NRDE2: variants seen among roughly 807,000 people sequenced by gnomAD.
The protein encoded by NRDE2 is NRDE-2, necessary for RNA interference, domain containing.
A neutral mutation model predicts 124.2 loss-of-function variants in NRDE2; 76 were observed. That is an observed-to-expected ratio of 0.61 (90% CI 0.51 to 0.74). The LOEUF (loss-of-function observed/expected upper bound fraction) is 0.74. Ranked by LOEUF, NRDE2 falls within the 30% of genes least tolerant of loss-of-function variation. NRDE2 has a pLI of 0.00. For synonymous variants in NRDE2, 489 were observed against 528.1 expected (o/e 0.93, Z 1.01); for missense variants, 1,314 against 1,417.3 (o/e 0.93, Z 1.17).
At chr14:90,321,549 T>TAAAAAAAAAAAAAA (rs1012195271) in intron 1 of NRDE2, among the ~76,000 whole-genome samples, 1 of 108,810 alleles carries the variant, frequency 9.2e-6, no homozygotes, top group Non-Finnish European at 1.9e-5. Flanking sequence ...CCAGCTCTAT[T>TAAAAAAAAAAAAAA]AAAAAAAAAA....
Position 90,288,753 on chromosome 14 carries a change from C to T in NRDE2, c.2622G>A (p.Ala874=), listed in dbSNP as rs151066927. ...GQVLAVHILK[A]RKAYEHALQD... Reference sequence around the variant, plus strand: ...GCAGTGCGTGCTCATAAGCCTTTCGCGCTTTCAAAATGTGAACAGCCAACA... The same window carrying T: ...GCAGTGCGTGCTCATAAGCCTTTCGTGCTTTCAAAATGTGAACAGCCAACA... The change falls in exon 11 of 14, where the codon GCG becomes GCA. Residue 874 remains alanine (A), a synonymous_variant. Transcript: ENST00000354366. The T allele has an allele frequency of 1.8e-5, 29 of 1,613,954 alleles. No individual in the cohort carries two copies. In the East Asian group the frequency reaches 3.6e-4, roughly 20 times the overall value.
In NRDE2 at chr14:90,286,116, G is replaced by A. The variant is rs375000285; in HGVS notation, c.3297+238C>T. On this transcript the variant is annotated intron_variant, in intron 12 of 13. Transcript: ENST00000354366. ...AATAGCCCAGTAACTACTCAACTTC[G>A]TTCTACCAAATATTTCGAGAAGATG... Among the ~76,000 whole-genome samples the A allele has an allele frequency of 2.6e-5, 4 of 152,110 alleles. No homozygotes were observed. In the East Asian group the frequency reaches 7.7e-4, roughly 29 times the overall value.
chr14:90,284,949 ATG>A (rs1892058973), intron 12 of NRDE2, among the ~76,000 whole-genome samples: 1 of 151,992 alleles, frequency 6.6e-6, no homozygotes, highest in Non-Finnish European at 1.5e-5. Flanking sequence ...TTTAATCTCT[ATG>A]GTACTTTTAA....
At chr14:90,316,435 C>T in intron 3 of NRDE2, 143 bp downstream of exon 3, 1 of 618,690 alleles carries the variant, frequency 1.6e-6, no homozygotes, top group Non-Finnish European at 2.8e-6. Flanking sequence ...TTTTCTCCTT[C>T]TCTTTTTTAA....
At chr14:90,306,922 T>C (rs1403700026) in intron 4 of NRDE2, among the ~76,000 whole-genome samples, 1 of 152,230 alleles carries the variant, frequency 6.6e-6, no homozygotes, top group African/African-American at 2.4e-5. Flanking sequence ...TTTAATAGTA[T>C]TGATTCCTCA....
In NRDE2 at chr14:90,278,325, C is replaced by T. The variant is rs773646854; in HGVS notation, c.*11G>A. 1.2e-6 allele frequency: 2 copies of T among 1,614,070 alleles called. No individual in the cohort carries two copies. The highest frequency in any genetic ancestry group is 1.7e-6 in the Non-Finnish European group (2 of 1,179,988). On this transcript the variant is annotated 3_prime_UTR_variant, in exon 14 of 14. Coordinates refer to ENST00000354366, the MANE Select transcript of NRDE2 (RefSeq NM_017970.4). Reference sequence around the variant, plus strand: ...TGGCCTCGCAGGCACAGCCCGTTTTCCCGCTGCTCTCTAATCCTCCAGCAG... The same window carrying T: ...TGGCCTCGCAGGCACAGCCCGTTTTTCCGCTGCTCTCTAATCCTCCAGCAG...
At chr14:90,300,983 T>C (rs1291975848) in intron 7 of NRDE2, among the ~76,000 whole-genome samples, 1 of 144,576 alleles carries the variant, frequency 6.9e-6, no homozygotes, top group Middle Eastern at 3.3e-3. Context: ...TCAGAGAGCC[T>C]TTATGTTGTG....
rs1891812327 is a variant in NRDE2, at chr14:90,276,676, A to G, written c.*1660T>C. On this transcript the variant is annotated 3_prime_UTR_variant, in exon 14 of 14. Transcript: ENST00000354366. ...AGCCGCTTTATCCTCTCGGGGGCTC[A>G]CTGCCCACTGCTAAGAGCCATTCCT... 3 of 152,114 alleles carry G rather than the reference A, an allele frequency of 2.0e-5. No homozygotes were observed. The highest frequency in any genetic ancestry group is 2.0e-4 in the Admixed American group (3 of 15,272). The allele number at this position is 152,114 out of a possible 1,614,324, so 9.4% of individuals were successfully genotyped here. A position where few individuals can be genotyped will look rare whatever the true frequency, so the allele number is the denominator to read the frequency against.
At position 90,284,989 on chromosome 14, in the gene NRDE2, C is replaced by T. The variant is rs1308657905; in HGVS notation, c.3297+1365G>A. 6.6e-5 allele frequency among the ~76,000 whole-genome samples: 10 copies of T among 151,964 alleles called. No homozygotes were observed. The East Asian group carries it at 7.8e-4, about 12-fold the overall frequency. ...GAACACAAAGCTGCTTTAGAAATGT[C>T]GATTTTAGGCCGGGCGCAGTGGCTC... On this transcript the variant is annotated intron_variant, in intron 12 of 13. Coordinates refer to ENST00000354366, the MANE Select transcript of NRDE2 (RefSeq NM_017970.4).
chr14:90,313,943 G>T (rs73318666), intron 3 of NRDE2, among the ~76,000 whole-genome samples: 5,121 of 152,260 alleles, frequency 0.034, 266 homozygotes, highest in African/African-American at 0.12. Context: ...ACCATAACGG[G>T]CAATGAAAAG....
At chr14:90,300,705 T>C (rs987737539) in intron 7 of NRDE2, among the ~76,000 whole-genome samples, 10 of 149,138 alleles carry the variant, frequency 6.7e-5, no homozygotes, top group African/African-American at 2.0e-4. Context: ...CTAGCGAAGA[T>C]TGTGGGTACT....
rs1884516561 is a variant in NRDE2 at position 90,304,231 on chromosome 14, C to T, written c.709G>A (p.Val237Ile). The T allele has an allele frequency of 6.2e-7, 1 of 1,614,134 alleles. No individual in the cohort carries two copies. The highest frequency in any genetic ancestry group is 1.1e-5 in the South Asian group (1 of 91,078). Residue 237 changes from valine (V) to isoleucine (I), a missense_variant, in exon 5 of 14, where the codon GTT becomes ATT. By Grantham distance (29) the Val-to-Ile change is conservative. Coordinates refer to ENST00000354366, the MANE Select transcript of NRDE2 (RefSeq NM_017970.4). ...KSVGLMNIDG[V>I]AISSKTEPPS... Reference sequence around the variant, plus strand: ...GGTTCAGTTTTACTGCTAATGGCAACTCCATCGATGTTCATTAATCCCACA... The same window carrying T: ...GGTTCAGTTTTACTGCTAATGGCAATTCCATCGATGTTCATTAATCCCACA...
At chr14:90,294,991 C>T (rs1884090869) in intron 8 of NRDE2, among the ~76,000 whole-genome samples, 1 of 152,040 alleles carries the variant, frequency 6.6e-6, no homozygotes, top group South Asian at 2.1e-4. Flanking sequence ...TGTGAGGGAG[C>T]CCTGCAGTGA....
Position 90,270,087 on chromosome 14 carries a change from A to C in NRDE2, c.*8249T>G. ...TAAAATTTAGACATCCTTCCCACAG[A>C]ATTCTGTCCGACTGAAACTTCGTAT... On this transcript the variant is annotated 3_prime_UTR_variant, in exon 14 of 14. Coordinates refer to ENST00000354366, the MANE Select transcript of NRDE2 (RefSeq NM_017970.4). The C allele has an allele frequency of 8.7e-7, 1 of 1,155,662 alleles. No individual in the cohort carries two copies. Among genetic ancestry groups the C allele is most frequent in the Non-Finnish European group, 1.2e-6 (1 of 827,758 alleles). The allele number at this position is 1,155,662 out of a possible 1,614,324, so 71.6% of individuals were successfully genotyped here. A position where few individuals can be genotyped will look rare whatever the true frequency, so the allele number is the denominator to read the frequency against.
intron 4 of NRDE2, 63 bp from the exon 5 acceptor site, chr14:90,304,445 A>G (rs1342749988): frequency 4.0e-6 from 5 of 1,248,452 alleles, no homozygotes; most frequent in Non-Finnish European, 5.5e-6. Context: ...GAATGACTAA[A>G]GGCGCATTAG....
At position 90,304,034 on chromosome 14, in the gene NRDE2, G is replaced by A. The variant is rs375950270; in HGVS notation, c.906C>T (p.Ser302=). ...ESKQPDAQPD[S]ESAALKAKVE... Reference sequence around the variant, plus strand: ...CCTTGGCCTTGAGAGCCGCACTCTCGCTGTCTGGCTGTGCGTCTGGCTGCT... The same window carrying A: ...CCTTGGCCTTGAGAGCCGCACTCTCACTGTCTGGCTGTGCGTCTGGCTGCT... Residue 302 remains serine (S), a synonymous_variant, in exon 5 of 14, where the codon AGC becomes AGT. Transcript: ENST00000354366. 13 of 1,613,920 alleles carry A rather than the reference G, an allele frequency of 8.1e-6. No individual in the cohort carries two copies. Among genetic ancestry groups the A allele is most frequent in the Non-Finnish European group, 1.1e-5 (13 of 1,179,928 alleles).
intron 1 of NRDE2, among the ~76,000 whole-genome samples, chr14:90,318,320 T>C (rs1595076089): frequency 6.6e-6 from 1 of 152,210 alleles, no homozygotes; most frequent in Admixed American, 6.5e-5. Context: ...CTCTAAAATA[T>C]TCTAGACCAA....
chr14:90,299,021 G>A (rs1345809709), intron 7 of NRDE2, among the ~76,000 whole-genome samples: 3 of 152,094 alleles, frequency 2.0e-5, no homozygotes, highest in Non-Finnish European at 4.4e-5. Context: ...CAAGGCAGGC[G>A]ACCAGGGAGT....
intron 3 of NRDE2, among the ~76,000 whole-genome samples, chr14:90,312,829 C>T (rs1884895285): frequency 6.6e-6 from 1 of 152,158 alleles, no homozygotes; most frequent in Non-Finnish European, 1.5e-5. Flanking sequence ...AGGTATACAG[C>T]AGTTCTTTTA....
Sources: allele counts gnomAD v4.1 joint callset (sites outside exome capture counted in the v4.1 genomes callset), GRCh38; gene constraint gnomAD v4.1.1; transcripts MANE v1.5; gene names NCBI Gene and HGNC (gene_info 2026-07-23, HGNC 2026-07-21).